LRP1B: variants seen among roughly 807,000 people sequenced by gnomAD.
LRP1B encodes low-density lipoprotein receptor-related protein 1B.
LRP1B carries 217 observed loss-of-function variants against 556.6 expected under a neutral mutation model. That is an observed-to-expected ratio of 0.39 (90% confidence interval 0.35 to 0.44). The LOEUF (loss-of-function observed/expected upper bound fraction) is 0.44. Ranked by LOEUF, LRP1B falls within the 20% of genes least tolerant of loss-of-function variation. The pLI is 1.00. For missense variants in LRP1B, 5,053 were observed against 5,620.8 expected (o/e 0.90, Z 3.23); for synonymous variants, 2,047 against 1,865.8 (o/e 1.10, Z -2.50).
chr2:141,802,009 CCAAGAT>C (rs1299724855), intron 2 of LRP1B, among the ~76,000 whole-genome samples: 2 of 152,032 alleles, frequency 1.3e-5, no homozygotes, highest in Non-Finnish European at 2.9e-5. Context: ...GGCCATAAGT[CCAAGAT>C]CAAGAAATCT....
chr2:141,009,957 G>A lies in LRP1B; in HGVS notation c.2380+3599C>T, dbSNP rs1368399262. 1.2e-4 allele frequency among the ~76,000 whole-genome samples: 18 copies of A among 151,904 alleles called. No homozygotes were observed. In the Middle Eastern group the frequency reaches 0.01, roughly 86 times the overall value. The stretch of plus-strand genomic sequence containing the variant: ...TCCCTGGCTTACTGTGTTTCTTGAG[G>A]GCCAATGGCTATGTCTGTCTGATCC... On this transcript the variant is annotated intron_variant, in intron 14 of 90. Coordinates refer to ENST00000389484, the MANE Select transcript of LRP1B (RefSeq NM_018557.3).
chr2:140,483,615 C>CACACACACACATAT (rs1403726877), intron 59 of LRP1B, among the ~76,000 whole-genome samples: 1 of 88,368 alleles, frequency 1.1e-5, no homozygotes. Context: ...CACACACACA[C>CACACACACACATAT]ATATATATAT....
At position 140,291,298 on chromosome 2, in the gene LRP1B, T is replaced by TTATATATATATATATATATATATATATA. The variant is rs66596182; in HGVS notation, c.12967+6509_12967+6510insTATATATATATATATATATATATATATA. Among the ~76,000 whole-genome samples the TTATATATATATATATATATATATATATA allele has an allele frequency of 5.2e-3, 367 of 71,252 alleles. 25 individuals are homozygous for TTATATATATATATATATATATATATATA. The highest frequency in any genetic ancestry group is 9.3e-3 in the Non-Finnish European group (251 of 26,934). The allele number at this position is 71,252 out of a possible 152,430, so 46.7% of individuals were successfully genotyped here. ...AGATACCACTTCAAGAAATTTTATTTTATATATATATATATATATATTTTT... is the reference window on the plus strand; with the variant it reads ...AGATACCACTTCAAGAAATTTTATTTTATATATATATATATATATATATATATATATATATATATATATATATATTTTT... On this transcript the variant is annotated intron_variant, in intron 84 of 90. Coordinates refer to ENST00000389484, the MANE Select transcript of LRP1B (RefSeq NM_018557.3).
chr2:141,219,565 T>C (rs1163895770), intron 6 of LRP1B, among the ~76,000 whole-genome samples: 1 of 152,224 alleles, frequency 6.6e-6, no homozygotes, highest in Non-Finnish European at 1.5e-5. Context: ...CAGCCAAACC[T>C]GCTCAGACAA....
At chr2:141,124,664 GAAAAAAAA>G (rs570765407) in intron 7 of LRP1B, among the ~76,000 whole-genome samples, 1,089 of 73,694 alleles carry the variant, frequency 0.015, 18 homozygotes, top group African/African-American at 0.042. Flanking sequence ...AGTGACAAAT[GAAAAAAAA>G]AAAAAAAAGA....
chr2:141,693,225 C>T (rs148383565), intron 2 of LRP1B, among the ~76,000 whole-genome samples: 8 of 151,934 alleles, frequency 5.3e-5, no homozygotes, highest in Non-Finnish European at 8.8e-5. Context: ...TTTTCTTGCC[C>T]GTAATTATTA....
intron 11 of LRP1B, among the ~76,000 whole-genome samples, chr2:141,041,031 A>G (rs1698682220): frequency 6.6e-6 from 1 of 152,084 alleles, no homozygotes; most frequent in Admixed American, 6.6e-5. Context: ...CCTAAAAAGT[A>G]CCTTCATTTA....
chr2:141,283,115 G>T (rs1363333644), intron 3 of LRP1B, among the ~76,000 whole-genome samples: 1 of 152,032 alleles, frequency 6.6e-6, no homozygotes, highest in African/African-American at 2.4e-5. Flanking sequence ...TGAACTAATG[G>T]CATTTTCAGA....
chr2:141,038,382 TCTA>T (rs34364274), intron 11 of LRP1B, among the ~76,000 whole-genome samples: 97,084 of 151,616 alleles, frequency 0.64, 32,918 homozygotes, highest in Non-Finnish European at 0.76. Context: ...GACAGTTCTG[TCTA>T]CTACTACCTA....
In LRP1B at chr2:141,815,983, GA is replaced by G. The variant is rs147392989; in HGVS notation, c.83-5583del. Among the ~76,000 whole-genome samples, 941 of 152,336 alleles carry G rather than the reference GA, an allele frequency of 6.2e-3. 9 individuals carry two copies. The highest frequency in any genetic ancestry group is 0.022 in the African/African-American group (902 of 41,582). On this transcript the variant is annotated intron_variant, in intron 1 of 90. Transcript: ENST00000389484. Reference sequence around the variant, plus strand: ...TAGCGTTAGGAAAGGAATCAACTAAGAATTTGTGCAAGAATAACTTTCTAAT... The same window carrying G: ...TAGCGTTAGGAAAGGAATCAACTAAGATTTGTGCAAGAATAACTTTCTAAT...
At chr2:141,904,582 A>G (rs1420047017) in intron 1 of LRP1B, among the ~76,000 whole-genome samples, 2 of 151,896 alleles carry the variant, frequency 1.3e-5, no homozygotes, top group Admixed American at 6.6e-5. Flanking sequence ...GTCTGATTTT[A>G]AGAGATGGGG....
intron 41 of LRP1B, among the ~76,000 whole-genome samples, chr2:140,669,156 T>C (rs1685393667): frequency 6.6e-6 from 1 of 152,166 alleles, no homozygotes; most frequent in South Asian, 2.1e-4. Context: ...ACGGACATGG[T>C]AGTAGGAATT....
At chr2:140,806,371 T>C (rs1003653139) in intron 32 of LRP1B, among the ~76,000 whole-genome samples, 1 of 152,138 alleles carries the variant, frequency 6.6e-6, no homozygotes, top group Non-Finnish European at 1.5e-5. Context: ...ACAAATATCA[T>C]GGCAAATACA....
chr2:142,027,875 G>T (rs1703563149), intron 1 of LRP1B, among the ~76,000 whole-genome samples: 2 of 151,856 alleles, frequency 1.3e-5, no homozygotes, highest in African/African-American at 4.8e-5. Context: ...GAAGGTAGCT[G>T]TCTGTTTTAG....
At chr2:140,366,097 G>A (rs1204326502) in intron 71 of LRP1B, among the ~76,000 whole-genome samples, 1 of 151,636 alleles carries the variant, frequency 6.6e-6, no homozygotes, top group East Asian at 1.9e-4. Flanking sequence ...CTCTAGCTCT[G>A]GTGTGGAGAA....
At chr2:140,272,593 T>C (rs1682511689) in intron 85 of LRP1B, among the ~76,000 whole-genome samples, 1 of 151,978 alleles carries the variant, frequency 6.6e-6, no homozygotes, top group Non-Finnish European at 1.5e-5. Flanking sequence ...TGGCTTGAAT[T>C]TTCCTAATTA....
At chr2:141,179,350 G>C (rs1680891624) in intron 7 of LRP1B, among the ~76,000 whole-genome samples, 1 of 151,878 alleles carries the variant, frequency 6.6e-6, no homozygotes, top group South Asian at 2.1e-4. Context: ...TTCTTTGTAT[G>C]TTTCTTTTTA....
chr2:141,219,902 A>G (rs1682966356), intron 6 of LRP1B, among the ~76,000 whole-genome samples: 1 of 152,146 alleles, frequency 6.6e-6, no homozygotes, highest in Admixed American at 6.6e-5. Context: ...AACATCGACA[A>G]AAAAGACCCC....
At chr2:141,478,982 T>C (rs1682816247) in intron 3 of LRP1B, among the ~76,000 whole-genome samples, 1 of 152,198 alleles carries the variant, frequency 6.6e-6, no homozygotes, top group Non-Finnish European at 1.5e-5. Flanking sequence ...TGATTTTTTA[T>C]GTAATTTTAA....
Sources: gnomAD v4.1 joint callset for allele counts (sites outside exome capture counted in the v4.1 genomes callset) on GRCh38, gnomAD v4.1.1 for gene constraint, MANE v1.5 for transcripts, NCBI Gene and HGNC (gene_info 2026-07-23, HGNC 2026-07-21) for gene names.